The following GPM6A variants were observed in gnomAD, a reference collection of about 807,000 sequenced individuals.
The protein encoded by GPM6A is neuronal membrane glycoprotein M6-a.
GPM6A carries 7 observed loss-of-function variants against 32.1 expected under a neutral mutation model. That is an observed-to-expected ratio of 0.22 (90% CI 0.12 to 0.41). GPM6A has a LOEUF of 0.41. GPM6A is among the 10% of genes least tolerant of loss of function. The pLI is 1.00. For missense variants in GPM6A, 235 were observed against 347.2 expected (o/e 0.68, Z 2.57); for synonymous variants, 130 against 123.4 (o/e 1.05, Z -0.35).
intron 3 of GPM6A, among the ~76,000 whole-genome samples, chr4:175,662,246 C>T (rs1414078520): frequency 6.6e-6 from 1 of 151,996 alleles, no homozygotes; most frequent in African/African-American, 2.4e-5. Context: ...CACCCTCTTG[C>T]CTGCATACCA....
At chr4:175,940,701 T>C (rs1739379165) in intron 1 of GPM6A, among the ~76,000 whole-genome samples, 2 of 152,132 alleles carry the variant, frequency 1.3e-5, no homozygotes, top group South Asian at 2.1e-4. Context: ...CTCCGCCTCC[T>C]AGATTCAAGC....
chr4:175,813,700 T>C (rs1238962354), upstream of GPM6A, among the ~76,000 whole-genome samples: 5 of 152,216 alleles, frequency 3.3e-5, no homozygotes, highest in East Asian at 1.9e-4. Context: ...GTATTTCACA[T>C]GCATTCTTTA....
chr4:175,813,585 CA>C (rs1309521951), upstream of GPM6A, among the ~76,000 whole-genome samples: 1 of 152,066 alleles, frequency 6.6e-6, no homozygotes, highest in Non-Finnish European at 1.5e-5. Context: ...GAGGCACACA[CA>C]CACACAAGGA....
At chr4:175,827,099 G>A (rs938798798) in intron 1 of GPM6A, among the ~76,000 whole-genome samples, 5 of 152,110 alleles carry the variant, frequency 3.3e-5, no homozygotes, top group East Asian at 3.9e-4. Flanking sequence ...TTTTACAGAC[G>A]AGGAAAATGG....
intron 2 of GPM6A, among the ~76,000 whole-genome samples, chr4:175,685,221 G>C (rs1743913679): frequency 6.6e-6 from 1 of 152,002 alleles, no homozygotes; most frequent in South Asian, 2.1e-4. Flanking sequence ...TGAACTTTAG[G>C]ATGTTCCTCT....
chr4:175,848,852 T>C (rs1736167379), intron 1 of GPM6A, among the ~76,000 whole-genome samples: 1 of 152,048 alleles, frequency 6.6e-6, no homozygotes, highest in South Asian at 2.1e-4. Context: ...GCTATTACAA[T>C]TTTTGGAATT....
chr4:175,841,958 T>C (rs1735949918), intron 1 of GPM6A, among the ~76,000 whole-genome samples: 1 of 152,162 alleles, frequency 6.6e-6, no homozygotes, highest in African/African-American at 2.4e-5. Context: ...TTTAAGATAA[T>C]ATAGGGTGCT....
At chr4:175,956,641 G>A (rs1037805439) in intron 1 of GPM6A, among the ~76,000 whole-genome samples, 1 of 152,106 alleles carries the variant, frequency 6.6e-6, no homozygotes, top group African/African-American at 2.4e-5. Flanking sequence ...GTACACAGAG[G>A]TGTTCAATTG....
intron 1 of GPM6A, among the ~76,000 whole-genome samples, chr4:175,726,102 C>T (rs912419124): frequency 2.0e-5 from 3 of 149,844 alleles, no homozygotes; most frequent in African/African-American, 7.4e-5. Context: ...ATGCCATTCT[C>T]CTGCCTCAGC....
chr4:175,952,696 T>G (rs1001912644), intron 1 of GPM6A, among the ~76,000 whole-genome samples: 2 of 152,078 alleles, frequency 1.3e-5, no homozygotes, highest in African/African-American at 4.8e-5. Flanking sequence ...AAATAGATAA[T>G]GAGCCATCCT....
At chr4:175,932,565 G>C (rs1023783461) in intron 1 of GPM6A, among the ~76,000 whole-genome samples, 1 of 152,116 alleles carries the variant, frequency 6.6e-6, no homozygotes, top group African/African-American at 2.4e-5. Context: ...ATATCTTAAA[G>C]GCATTTTCTC....
intron 1 of GPM6A, among the ~76,000 whole-genome samples, chr4:175,752,511 T>C (rs553521474): frequency 2.0e-5 from 3 of 152,230 alleles, no homozygotes; most frequent in African/African-American, 7.2e-5. Context: ...CAAAATGTGG[T>C]GATCCCTCCT....
At chr4:175,889,598 A>T (rs1045853387) in intron 1 of GPM6A, among the ~76,000 whole-genome samples, 1 of 151,884 alleles carries the variant, frequency 6.6e-6, no homozygotes, top group Non-Finnish European at 1.5e-5. Context: ...GGTGGATCAC[A>T]ACGTCAGGAG....
chr4:175,706,498 A>G (rs1745197741), intron 1 of GPM6A, among the ~76,000 whole-genome samples: 1 of 152,192 alleles, frequency 6.6e-6, no homozygotes, highest in Non-Finnish European at 1.5e-5. Context: ...GAGAAGTGAG[A>G]TTTACAATAG....
intron 1 of GPM6A, among the ~76,000 whole-genome samples, chr4:175,931,685 C>A (rs2333328): frequency 0.61 from 77,264 of 125,922 alleles, 23,316 homozygotes; most frequent in Non-Finnish European, 0.72. Context: ...CACACACACA[C>A]ACACACACAC....
intron 1 of GPM6A, among the ~76,000 whole-genome samples, chr4:175,703,339 T>C (rs1448874636): frequency 6.6e-6 from 1 of 152,062 alleles, no homozygotes; most frequent in Non-Finnish European, 1.5e-5. Flanking sequence ...ACCTGGCTAT[T>C]TTTTGTATTT....
intron 1 of GPM6A, among the ~76,000 whole-genome samples, chr4:175,704,886 A>G (rs1482958041): frequency 1.3e-5 from 2 of 152,242 alleles, no homozygotes; most frequent in Non-Finnish European, 2.9e-5. Flanking sequence ...TAAAGTTAAT[A>G]ACTGAGCAAA....
intron 1 of GPM6A, among the ~76,000 whole-genome samples, chr4:175,968,027 A>T (rs902969056): frequency 1.3e-5 from 2 of 152,192 alleles, no homozygotes; most frequent in African/African-American, 2.4e-5. Context: ...GACTTACCAC[A>T]AAGTTATAGC....
intron 1 of GPM6A, among the ~76,000 whole-genome samples, chr4:175,968,212 C>A (rs1338298038): frequency 6.7e-6 from 1 of 148,994 alleles, no homozygotes; most frequent in East Asian, 1.9e-4. Context: ...AACAAGTAGA[C>A]ATCCATAGGC....
Sources: gnomAD v4.1 joint callset for allele counts (sites outside exome capture counted in the v4.1 genomes callset) on GRCh38, gnomAD v4.1.1 for gene constraint, MANE v1.5 for transcripts, NCBI Gene and HGNC (gene_info 2026-07-23, HGNC 2026-07-21) for gene names.